Variants in ZNF423 observed in about 807,000 individuals in gnomAD.
ZNF423 encodes the protein zinc finger protein 423.
Under a neutral mutation model 95.8 loss-of-function variants are expected in ZNF423, and 12 were observed. The observed-to-expected ratio is 0.13, with a 90% CI of 0.08 to 0.20. ZNF423 has a LOEUF of 0.20. ZNF423 is among the 10% of genes least tolerant of loss of function. The pLI is 1.00. For synonymous variants in ZNF423, 749 were observed against 711.9 expected (o/e 1.05, Z -0.83); for missense variants, 1,316 against 1,737.1 (o/e 0.76, Z 4.31).
At chr16:49,554,883 G>A (rs1313943783) in intron 5 of ZNF423, among the ~76,000 whole-genome samples, 3 of 151,910 alleles carry the variant, frequency 2.0e-5, no homozygotes, top group Non-Finnish European at 4.4e-5. Context: ...ACAGTGCCTG[G>A]TACACAGCTG....
chr16:49,615,970 A>C (rs956564592), intron 5 of ZNF423, among the ~76,000 whole-genome samples: 1 of 152,132 alleles, frequency 6.6e-6, no homozygotes, highest in South Asian at 2.1e-4. Flanking sequence ...CCTTGCTCCC[A>C]CACACACCCA....
At chr16:49,533,486 A>G (rs1272453583) in intron 5 of ZNF423, among the ~76,000 whole-genome samples, 1 of 152,182 alleles carries the variant, frequency 6.6e-6, no homozygotes, top group Non-Finnish European at 1.5e-5. Flanking sequence ...TGAAACTCAA[A>G]TCAGAAGACT....
chr16:49,520,395 C>T (rs1284788018), intron 7 of ZNF423, among the ~76,000 whole-genome samples: 5 of 97,400 alleles, frequency 5.1e-5, no homozygotes, highest in African/African-American at 2.3e-4. Context: ...AACTGTGCTC[C>T]TGTTAACGCA....
chr16:49,636,059 G>T lies in ZNF423; in HGVS notation c.3117C>A (p.Ser1039=), dbSNP rs748563808. Reference sequence around the variant, plus strand: ...TGCCATGGATCTTGAGCTCAAGCGTGGAAGTGACTGTCTGCATGCAGACCA... The same window carrying T: ...TGCCATGGATCTTGAGCTCAAGCGTTGAAGTGACTGTCTGCATGCAGACCA... ...RCVVCMQTVT[S]TLELKIHGTF... is the part of the protein sequence containing the mutation. The change falls in exon 4 of 8, where the codon TCC becomes TCA. Residue 1039 remains serine, a synonymous_variant. Transcript: ENST00000563137. The surrounding 1 kb of genome is among the most constrained non-coding windows in gnomAD (Gnocchi z 8.6). The T allele has an allele frequency of 8.7e-6, 14 of 1,613,690 alleles. No individual in the cohort carries two copies. In the African/African-American group the frequency reaches 1.7e-4, roughly 20 times the overall value.
At chr16:49,814,135 G>T (rs1242253110) in intron 1 of ZNF423, among the ~76,000 whole-genome samples, 1 of 150,976 alleles carries the variant, frequency 6.6e-6, no homozygotes, top group Non-Finnish European at 1.5e-5. Context: ...TGAGGAGCCG[G>T]GGCTTCGGAG....
At chr16:49,569,158 C>G (rs984219591) in intron 5 of ZNF423, among the ~76,000 whole-genome samples, 5 of 152,202 alleles carry the variant, frequency 3.3e-5, no homozygotes, top group African/African-American at 1.2e-4. Flanking sequence ...CTTCTTCAGG[C>G]CGCTATCTTT....
intron 1 of ZNF423, among the ~76,000 whole-genome samples, chr16:49,805,647 C>T (rs149987997): frequency 3.9e-5 from 6 of 152,308 alleles, no homozygotes; most frequent in African/African-American, 1.4e-4. Flanking sequence ...TTTTTCTGAA[C>T]CCTCCAGTGA....
Position 49,795,880 on chromosome 16 carries a change from T to TG in ZNF423, c.41-6335dup, listed in dbSNP as rs1453776180. 2.0e-5 allele frequency among the ~76,000 whole-genome samples: 3 copies of TG among 152,134 alleles called. No individual in the cohort carries two copies. The South Asian group carries it at 6.2e-4, about 32-fold the overall frequency. Reference sequence around the variant, plus strand: ...GTGTTTGCGGCCATCTCTGAAGTCCTGGGGGGCTTCCAGTTCCCTGTGTGA... The same window carrying TG: ...GTGTTTGCGGCCATCTCTGAAGTCCTGGGGGGGCTTCCAGTTCCCTGTGTGA... On this transcript the variant is annotated intron_variant, in intron 1 of 7. Transcript: ENST00000563137.
chr16:49,586,422 G>A (rs919241541), intron 5 of ZNF423, among the ~76,000 whole-genome samples: 6 of 152,316 alleles, frequency 3.9e-5, no homozygotes, highest in Non-Finnish European at 8.8e-5. Context: ...TTATTTCAAA[G>A]CCACTTTAGG....
At chr16:49,844,545 C>A (rs1054865586) in intron 1 of ZNF423, among the ~76,000 whole-genome samples, 1 of 152,212 alleles carries the variant, frequency 6.6e-6, no homozygotes, top group Admixed American at 6.5e-5. Context: ...CTGACTCTCA[C>A]GGTGAACCCA....
At chr16:49,531,658 C>T (rs1458738512) in intron 5 of ZNF423, among the ~76,000 whole-genome samples, 3 of 152,104 alleles carry the variant, frequency 2.0e-5, no homozygotes, top group Non-Finnish European at 4.4e-5. Flanking sequence ...AAGAAATTAA[C>T]CAGTCCAGGC....
At chr16:49,843,745 G>T (rs991864167) in intron 1 of ZNF423, among the ~76,000 whole-genome samples, 2 of 151,954 alleles carry the variant, frequency 1.3e-5, no homozygotes, top group Non-Finnish European at 1.5e-5. Context: ...TGAGTGATTG[G>T]CAGGTTCCCT....
chr16:49,497,341 G>A (rs889643426), intron 7 of ZNF423, among the ~76,000 whole-genome samples: 2 of 152,310 alleles, frequency 1.3e-5, no homozygotes, highest in East Asian at 1.9e-4. Context: ...AAGCTCCAGC[G>A]CCCTCCCGTG....
chr16:49,815,710 G>A (rs75402251), intron 1 of ZNF423, among the ~76,000 whole-genome samples: 4,004 of 151,462 alleles, frequency 0.026, 85 homozygotes, highest in Non-Finnish European at 0.038. Flanking sequence ...TCATAGGTAC[G>A]AGGAACAGAG....
At chr16:49,740,511 G>A (rs984927785) in intron 2 of ZNF423, among the ~76,000 whole-genome samples, 5 of 152,254 alleles carry the variant, frequency 3.3e-5, no homozygotes, top group Non-Finnish European at 5.9e-5. Flanking sequence ...AGGCAGCGGG[G>A]TAACATTTAA....
chr16:49,757,664 G>T (rs999678658), intron 2 of ZNF423, among the ~76,000 whole-genome samples: 1 of 152,174 alleles, frequency 6.6e-6, no homozygotes, highest in Non-Finnish European at 1.5e-5. Flanking sequence ...CCCCTTGGGT[G>T]GGGTGAGGAG....
intron 7 of ZNF423, among the ~76,000 whole-genome samples, chr16:49,513,088 A>T (rs956878839): frequency 3.9e-5 from 6 of 152,012 alleles, no homozygotes; most frequent in Admixed American, 2.0e-4. Flanking sequence ...ACCGAGTGAG[A>T]CTCTGTCTCA....
At chr16:49,649,467 G>GT (rs1973307462) in intron 3 of ZNF423, among the ~76,000 whole-genome samples, 1 of 152,078 alleles carries the variant, frequency 6.6e-6, no homozygotes, top group South Asian at 2.1e-4. Flanking sequence ...AGTTCGGGTG[G>GT]TTTTTTAATT....
chr16:49,849,914 G>A (rs932364588), intron 1 of ZNF423, among the ~76,000 whole-genome samples: 7 of 152,154 alleles, frequency 4.6e-5, no homozygotes, highest in African/African-American at 1.4e-4. Context: ...CGCTGTCAGC[G>A]AGGGCTGACA....
Sources: allele counts gnomAD v4.1 joint callset (sites outside exome capture counted in the v4.1 genomes callset), GRCh38; gene constraint gnomAD v4.1.1; non-coding constraint Gnocchi (gnomAD v3.1); transcripts MANE v1.5; gene names NCBI Gene and HGNC (gene_info 2026-07-23, HGNC 2026-07-21).